The following ADCY7 variants were observed in gnomAD, a reference collection of about 807,000 sequenced individuals.
ADCY7 encodes adenylate cyclase type 7.
Under a neutral mutation model 120.6 loss-of-function variants are expected in ADCY7, and 72 were observed. The ratio of observed to expected loss-of-function variants is 0.60; its 90% CI spans 0.49 to 0.73. ADCY7 has a LOEUF of 0.73. Ranked by LOEUF, ADCY7 falls within the 30% of genes least tolerant of loss-of-function variation. The pLI, the probability that ADCY7 is intolerant of heterozygous loss-of-function variation, is 0.00. For missense variants in ADCY7, 1,227 were observed against 1,486.0 expected, an observed-to-expected ratio of 0.83 and a Z score of 2.87; for synonymous variants, 661 against 628.0, an observed-to-expected ratio of 1.05 and a Z score of -0.78.
chr16:50,292,539 C>A, intron 4 of ADCY7, 137 bp from the exon 5 acceptor site: 1 of 1,112,288 alleles, frequency 9.0e-7, no homozygotes, highest in Non-Finnish European at 1.3e-6. Context: ...CTGTCTGCCC[C>A]AGGAAGAGTG....
chr16:50,294,630 C>A lies in ADCY7; in HGVS notation c.837-10C>A. ...CTCTGACACTCCCTCCCACCCTGCC[C>A]CATCCCCAGCATCCTCTATGCGGAC... is the stretch of plus-strand genomic sequence containing the variant. On this transcript the variant is annotated splice_polypyrimidine_tract_variant and intron_variant, in intron 6 of 25. Coordinates refer to ENST00000673801, the MANE Select transcript of ADCY7 (RefSeq NM_001114.5). 4 of 1,541,524 alleles carry A rather than the reference C, an allele frequency of 2.6e-6. No homozygotes were observed. The highest frequency in any genetic ancestry group is 2.7e-6 in the Non-Finnish European group (3 of 1,119,846).
At position 50,314,917 on chromosome 16, in the gene ADCY7, G is replaced by A. The variant is rs112146345; in HGVS notation, c.2972-97G>A. On this transcript the variant is annotated intron_variant, in intron 24 of 25. Coordinates refer to ENST00000673801, the MANE Select transcript of ADCY7 (RefSeq NM_001114.5). ...CCTTCACTCTAGTTGTTTTGTCCCCGCATCCTGTGCTGGGGTATGGATTCT... is the reference window on the plus strand; with the variant it reads ...CCTTCACTCTAGTTGTTTTGTCCCCACATCCTGTGCTGGGGTATGGATTCT... 3,897 of 1,505,272 alleles carry A rather than the reference G, an allele frequency of 2.6e-3. 83 individuals carry two copies. The African/African-American group carries it at 0.042, about 16-fold the overall frequency. 93.2% of individuals were successfully genotyped at this position (1,505,272 alleles called of 1,614,324 possible).
chr16:50,310,340 T>A, intron 18 of ADCY7: 1 of 916,664 alleles, frequency 1.1e-6, no homozygotes, highest in Non-Finnish European at 1.7e-6. Flanking sequence ...CACAGCACAA[T>A]CTTGAGCAGG....
In ADCY7 at chr16:50,297,386, C is replaced by T. The variant is rs1005578218; in HGVS notation, c.949-1518C>T. 8.5e-5 allele frequency among the ~76,000 whole-genome samples: 13 copies of T among 152,304 alleles called. No individual in the cohort carries two copies. In the South Asian group the frequency reaches 2.3e-3, roughly 27 times the overall value. On this transcript the variant is annotated intron_variant, in intron 7 of 25. Transcript: ENST00000673801. The surrounding 1 kb of genome is among the most constrained non-coding windows in gnomAD (Gnocchi z 4.4). ...GGGAATGTGGCCTCTCCTACATCCCCGAGAGCTGGGCTGGGTCCATGGGCA... is the reference window on the plus strand; with the variant it reads ...GGGAATGTGGCCTCTCCTACATCCCTGAGAGCTGGGCTGGGTCCATGGGCA...
intron 6 of ADCY7, among the ~76,000 whole-genome samples, chr16:50,294,350 C>G (rs915590149): frequency 6.6e-6 from 1 of 152,208 alleles, no homozygotes; most frequent in African/African-American, 2.4e-5. Context: ...TCCGGGCTGC[C>G]TGCAGGAGTG....
At chr16:50,255,278 C>T (rs2032876550) in intron 1 of ADCY7, among the ~76,000 whole-genome samples, 1 of 150,090 alleles carries the variant, frequency 6.7e-6, no homozygotes, top group African/African-American at 2.4e-5. Context: ...GCCTAGGTGA[C>T]AGAGTGAGCC....
At chr16:50,311,585 G>T in intron 19 of ADCY7, 108 bp from the exon 20 acceptor site, 1 of 776,232 alleles carries the variant, frequency 1.3e-6, no homozygotes. Flanking sequence ...CACCCCATTA[G>T]AATCAATTTT....
intron 10 of ADCY7, among the ~76,000 whole-genome samples, chr16:50,301,475 G>A (rs1435094441): frequency 6.6e-6 from 1 of 152,222 alleles, no homozygotes; most frequent in Admixed American, 6.5e-5. Context: ...GGCCTTCACA[G>A]TGCGCCTGGC....
chr16:50,292,633 TG>T, intron 4 of ADCY7, 42 bp from the exon 5 acceptor site: 1 of 1,604,468 alleles, frequency 6.2e-7, no homozygotes, highest in South Asian at 1.1e-5. Flanking sequence ...CGGGAGGGCA[TG>T]GGCCAGGCCA....
At chr16:50,283,806 G>C in intron 1 of ADCY7, among the ~76,000 whole-genome samples, 1 of 152,184 alleles carries the variant, frequency 6.6e-6, no homozygotes, top group Non-Finnish European at 1.5e-5. Context: ...TGTGGGTGAG[G>C]GAGTGACAGG....
Position 50,290,625 on chromosome 16 carries a change from G to A in ADCY7, c.340G>A (p.Asp114Asn), listed in dbSNP as rs757992571. 1.3e-5 allele frequency: 21 copies of A among 1,614,056 alleles called. No individual in the cohort carries two copies. Among genetic ancestry groups the A allele is most frequent in the Admixed American group, 1.7e-5 (1 of 60,018 alleles). The change falls in exon 3 of 26, where the codon GAC becomes AAC. Residue 114 changes from aspartate to asparagine, a missense_variant. This residue lies in a region of ADCY7 where 382 missense variants were observed against 411.4 expected (regional missense o/e 0.93). Transcript: ENST00000673801. The stretch of plus-strand genomic sequence containing the variant: ...GGCGCTGGGCTATGTGCTGGTGTTC[G>A]ACGCATGGACAAAGGCGGCCTGTGC... ...LVALGYVLVF[D>N]AWTKAACAWE...
intron 1 of ADCY7, among the ~76,000 whole-genome samples, chr16:50,271,156 G>GCA (rs1225106102): frequency 5.3e-5 from 8 of 152,344 alleles, no homozygotes; most frequent in Non-Finnish European, 7.3e-5. Context: ...GAAGGGTTGG[G>GCA]TGGTGAGTCT....
intron 14 of ADCY7, 64 bp downstream of exon 14, chr16:50,305,913 G>A (rs2036033983): frequency 1.3e-6 from 2 of 1,529,336 alleles, no homozygotes; most frequent in Admixed American, 1.7e-5. Flanking sequence ...GTAGGGTGGG[G>A]GACGCAGGTC....
At position 50,305,857 on chromosome 16, in the gene ADCY7, C is replaced by T. The variant is rs1406170550; in HGVS notation, c.1752+8C>T. ...AAGGGCTTTGAGCGCGAGGTGAGGG[C>T]CCCCAGCAGCCTCCTCCGCAGAGGG... On this transcript the variant is annotated splice_region_variant and intron_variant, in intron 14 of 25. Coordinates refer to ENST00000673801, the MANE Select transcript of ADCY7 (RefSeq NM_001114.5). The T allele has an allele frequency of 1.2e-6, 2 of 1,613,196 alleles. No homozygotes were observed. Among genetic ancestry groups the T allele is most frequent in the South Asian group, 1.1e-5 (1 of 91,080 alleles).
At chr16:50,296,509 A>G (rs1043502802) in intron 7 of ADCY7, among the ~76,000 whole-genome samples, 15 of 152,132 alleles carry the variant, frequency 9.9e-5, no homozygotes, top group Middle Eastern at 3.4e-3. Context: ...GGCGCCTGCC[A>G]CCACGCCTGG....
At chr16:50,278,818 G>A (rs1314436113) in intron 1 of ADCY7, among the ~76,000 whole-genome samples, 1 of 150,884 alleles carries the variant, frequency 6.6e-6, no homozygotes, top group Non-Finnish European at 1.5e-5. Flanking sequence ...CAGGACAGTG[G>A]TTACTCTGGG....
At chr16:50,307,350 C>T (rs1342879947) in intron 15 of ADCY7, among the ~76,000 whole-genome samples, 2 of 151,848 alleles carry the variant, frequency 1.3e-5, no homozygotes, top group Admixed American at 6.6e-5. Context: ...CCACAGGCCT[C>T]CCTACTCCCT....
At chr16:50,280,409 C>T (rs1485600977) in intron 1 of ADCY7, among the ~76,000 whole-genome samples, 7 of 144,872 alleles carry the variant, frequency 4.8e-5, no homozygotes, top group African/African-American at 1.3e-4. Flanking sequence ...ATTCGTTGAT[C>T]TTTTGAATGG....
At chr16:50,282,782 G>A (rs1184990854) in intron 1 of ADCY7, among the ~76,000 whole-genome samples, 1 of 150,408 alleles carries the variant, frequency 6.6e-6, no homozygotes, top group African/African-American at 2.5e-5. Flanking sequence ...TCATAGTTCA[G>A]TGAATGTAGC....
Sources: allele counts gnomAD v4.1 joint callset (sites outside exome capture counted in the v4.1 genomes callset), GRCh38; gene constraint gnomAD v4.1.1; regional missense constraint gnomAD v4.1.1; non-coding constraint Gnocchi (gnomAD v3.1); transcripts MANE v1.5; gene names NCBI Gene and HGNC (gene_info 2026-07-23, HGNC 2026-07-21).